MTHFD1L: variants seen among roughly 807,000 people sequenced by gnomAD.
MTHFD1L encodes the protein methylenetetrahydrofolate dehydrogenase (NADP+ dependent) 1 like.
In MTHFD1L, 81 loss-of-function variants were observed where a neutral mutation model predicts 119.5. The ratio of observed to expected loss-of-function variants is 0.68; its 90% CI spans 0.57 to 0.82. The LOEUF (loss-of-function observed/expected upper bound fraction) is 0.82, where lower values mean the gene tolerates loss of function less well. Ranked by LOEUF, MTHFD1L falls within the 40% of genes least tolerant of loss-of-function variation. MTHFD1L has a pLI of 0.00. For synonymous variants in MTHFD1L, 430 were observed against 475.2 expected, an observed-to-expected ratio of 0.90 and a Z score of 1.24; for missense variants, 1,125 against 1,253.4, an observed-to-expected ratio of 0.90 and a Z score of 1.55.
At position 150,905,736 on chromosome 6, in the gene MTHFD1L, C is replaced by T. The variant is rs760412882; in HGVS notation, c.867C>T (p.Leu289=). ...LTWIQPGTTV[L]NCSHDFLSGK... ...GGATACAACCAGGAACTACTGTTCT[C>T]AACTGCTCCCATGACTTCCTGTCAG... Residue 289 remains leucine (L), a synonymous_variant, in exon 8 of 28, where the codon CTC becomes CTT. Transcript: ENST00000367321. The T allele has an allele frequency of 1.1e-5, 18 of 1,613,866 alleles. No homozygotes were observed. The Admixed American group carries it at 2.7e-4, about 24-fold the overall frequency.
intron 1 of MTHFD1L, among the ~76,000 whole-genome samples, chr6:150,870,620 C>A (rs1779243884): frequency 6.6e-6 from 1 of 151,832 alleles, no homozygotes; most frequent in South Asian, 2.1e-4. Flanking sequence ...TAAAAAAAAA[C>A]CCATATATAA....
intron 1 of MTHFD1L, chr6:150,866,437 C>T: frequency 7.5e-7 from 1 of 1,338,844 alleles, no homozygotes; most frequent in Non-Finnish European, 9.5e-7. Context: ...GGGCGAGGAG[C>T]AGGAGGAGGG....
intron 17 of MTHFD1L, chr6:150,959,203 A>AAGT (rs1234356094): frequency 1.0e-6 from 1 of 984,708 alleles, no homozygotes; most frequent in South Asian, 4.7e-5. Flanking sequence ...CTCAACCAGG[A>AAGT]AGTAGCCAGA....
At chr6:150,870,412 C>T (rs2128721139) in intron 1 of MTHFD1L, among the ~76,000 whole-genome samples, 1 of 152,224 alleles carries the variant, frequency 6.6e-6, no homozygotes, top group African/African-American at 2.4e-5. Context: ...GTTTTATTAG[C>T]TTGGGTGGTA....
chr6:151,068,075 C>T (rs941839225), intron 26 of MTHFD1L, among the ~76,000 whole-genome samples: 4 of 152,242 alleles, frequency 2.6e-5, no homozygotes. Flanking sequence ...TAATGCCAAA[C>T]AAATAACACA....
At chr6:151,074,218 G>A (rs1051100198) in intron 26 of MTHFD1L, among the ~76,000 whole-genome samples, 3 of 152,070 alleles carry the variant, frequency 2.0e-5, no homozygotes, top group Admixed American at 6.6e-5. Context: ...CTAACCTGAA[G>A]TACAAAAAGT....
intron 16 of MTHFD1L, among the ~76,000 whole-genome samples, chr6:150,950,115 G>A (rs1285249815): frequency 2.0e-5 from 3 of 152,242 alleles, no homozygotes; most frequent in Admixed American, 6.5e-5. Flanking sequence ...CAGTTCAGAG[G>A]GTTCACATTA....
At position 150,917,008 on chromosome 6, in the gene MTHFD1L, G is replaced by A. The variant is rs138889720; in HGVS notation, c.893-1569G>A. Among the ~76,000 whole-genome samples the A allele has an allele frequency of 1.7e-3, 248 of 148,726 alleles. 1 individual carries two copies. The highest frequency in any genetic ancestry group is 5.7e-3 in the African/African-American group (233 of 40,600). On this transcript the variant is annotated intron_variant, in intron 8 of 27. Transcript: ENST00000367321. ...ACCCCCGACCTCAGATGATCCACCC[G>A]GCTTGGCCTCCCAAATTGCTGGGAT...
At chr6:150,868,254 A>C (rs1408064465) in intron 1 of MTHFD1L, among the ~76,000 whole-genome samples, 4 of 152,182 alleles carry the variant, frequency 2.6e-5, no homozygotes, top group African/African-American at 9.7e-5. Context: ...GGTTATGGAA[A>C]CAATTATGTG....
chr6:151,043,166 T>G (rs1304243975), intron 26 of MTHFD1L, among the ~76,000 whole-genome samples: 3 of 152,170 alleles, frequency 2.0e-5, no homozygotes, highest in Non-Finnish European at 4.4e-5. Context: ...AAGATTGTTT[T>G]TCCCTGTTCA....
chr6:150,979,589 C>T (rs1297810281), intron 20 of MTHFD1L, among the ~76,000 whole-genome samples: 1 of 152,124 alleles, frequency 6.6e-6, no homozygotes, highest in East Asian at 1.9e-4. Flanking sequence ...CAACCTCCGC[C>T]TCCCGGGTTC....
At chr6:150,979,988 A>G (rs997446301) in intron 20 of MTHFD1L, among the ~76,000 whole-genome samples, 1 of 152,166 alleles carries the variant, frequency 6.6e-6, no homozygotes, top group African/African-American at 2.4e-5. Context: ...AAAAAAAAAA[A>G]AAAATCTGAC....
intron 27 of MTHFD1L, among the ~76,000 whole-genome samples, chr6:151,098,785 C>T (rs75712456): frequency 0.014 from 2,070 of 152,294 alleles, 51 homozygotes; most frequent in African/African-American, 0.048. Context: ...ACAACAGATT[C>T]GTTTTTACAT....
At chr6:151,095,168 C>A (rs560362890) in intron 27 of MTHFD1L, among the ~76,000 whole-genome samples, 1 of 152,254 alleles carries the variant, frequency 6.6e-6, no homozygotes, top group African/African-American at 2.4e-5. Flanking sequence ...AAATAAAACT[C>A]TAGAAAATGA....
At chr6:151,017,737 C>T (rs760996489) in intron 24 of MTHFD1L, among the ~76,000 whole-genome samples, 49 of 152,046 alleles carry the variant, frequency 3.2e-4, no homozygotes, top group African/African-American at 1.2e-3. Context: ...GACACTTGAG[C>T]TCCCCCTCAC....
chr6:150,922,837 G>A (rs577448853), intron 10 of MTHFD1L, among the ~76,000 whole-genome samples: 1 of 150,124 alleles, frequency 6.7e-6, no homozygotes, highest in Non-Finnish European at 1.5e-5. Flanking sequence ...AGAGATGGGG[G>A]TTTCACCATT....
chr6:151,083,195 ATT>A (rs57223910), intron 26 of MTHFD1L, among the ~76,000 whole-genome samples: 24 of 149,538 alleles, frequency 1.6e-4, no homozygotes, highest in African/African-American at 2.7e-4. Flanking sequence ...ATGAAATGCA[ATT>A]TTTTTTTTTT....
chr6:150,935,382 G>T, intron 11 of MTHFD1L: 1 of 1,613,880 alleles, frequency 6.2e-7, no homozygotes, highest in South Asian at 1.1e-5. Context: ...CAAGACTTGA[G>T]GAACTCATTG....
At chr6:150,927,395 A>G (rs1003389958) in intron 11 of MTHFD1L, among the ~76,000 whole-genome samples, 1 of 151,324 alleles carries the variant, frequency 6.6e-6, no homozygotes, top group Non-Finnish European at 1.5e-5. Flanking sequence ...GTGAGTGAAT[A>G]TTGAGCTATG....
Sources: allele counts gnomAD v4.1 joint callset (sites outside exome capture counted in the v4.1 genomes callset), GRCh38; gene constraint gnomAD v4.1.1; transcripts MANE v1.5; gene names NCBI Gene and HGNC (gene_info 2026-07-23, HGNC 2026-07-21).